PRKACB: variants seen among roughly 807,000 people sequenced by gnomAD.
PRKACB encodes cAMP-dependent protein kinase catalytic subunit beta.
A neutral mutation model predicts 51.4 loss-of-function variants in PRKACB; 16 were observed. The ratio of observed to expected loss-of-function variants is 0.31; its 90% CI spans 0.21 to 0.47. The LOEUF (loss-of-function observed/expected upper bound fraction) is 0.47, where lower values mean the gene tolerates loss of function less well. PRKACB is among the 20% of genes least tolerant of loss of function. PRKACB has a pLI of 1.00. For synonymous variants in PRKACB, 147 were observed against 154.4 expected, an observed-to-expected ratio of 0.95 and a Z score of 0.35; for missense variants, 309 against 464.5, an observed-to-expected ratio of 0.67 and a Z score of 3.08.
intron 6 of PRKACB, among the ~76,000 whole-genome samples, chr1:84,197,163 G>C (rs955799463): frequency 6.6e-6 from 1 of 152,142 alleles, no homozygotes; most frequent in Non-Finnish European, 1.5e-5. Context: ...GTCAGAATTT[G>C]AACCTAGGCA....
chr1:84,132,260 T>C (rs976426525), intron 1 of PRKACB, among the ~76,000 whole-genome samples: 1 of 143,366 alleles, frequency 7.0e-6, no homozygotes, highest in African/African-American at 2.5e-5. Flanking sequence ...GCATTTCAGC[T>C]GGAAGAGTTG....
intron 1 of PRKACB, among the ~76,000 whole-genome samples, chr1:84,131,936 A>C (rs1315367087): frequency 6.6e-6 from 1 of 152,180 alleles, no homozygotes; most frequent in Non-Finnish European, 1.5e-5. Flanking sequence ...TAGTTCTTGC[A>C]GAGAGAGGGA....
intron 1 of PRKACB, among the ~76,000 whole-genome samples, chr1:84,115,428 C>T (rs1436518229): frequency 6.6e-6 from 1 of 151,836 alleles, no homozygotes; most frequent in Admixed American, 6.6e-5. Flanking sequence ...TATTAGTCCC[C>T]TGTTGCATGA....
chr1:84,159,550 A>G (rs1655929402), intron 1 of PRKACB, among the ~76,000 whole-genome samples: 1 of 152,044 alleles, frequency 6.6e-6, no homozygotes, highest in African/African-American at 2.4e-5. Flanking sequence ...TTCATCTGCA[A>G]ATAAAGACAG....
chr1:84,220,269 G>T (rs1206010992), intron 9 of PRKACB, among the ~76,000 whole-genome samples: 2 of 151,922 alleles, frequency 1.3e-5, no homozygotes, highest in Non-Finnish European at 2.9e-5. Flanking sequence ...ATCATTATTG[G>T]TGTATCGAAA....
intron 1 of PRKACB, among the ~76,000 whole-genome samples, chr1:84,162,248 A>G (rs563681627): frequency 2.6e-5 from 4 of 152,142 alleles, no homozygotes; most frequent in South Asian, 4.1e-4. Context: ...CAATTTGACT[A>G]TGATATGTCT....
intron 1 of PRKACB, among the ~76,000 whole-genome samples, chr1:84,100,017 C>T (rs760772547): frequency 6.6e-6 from 1 of 152,128 alleles, no homozygotes; most frequent in Non-Finnish European, 1.5e-5. Flanking sequence ...TCCATTTTCA[C>T]ACTGCTGTAA....
chr1:84,101,507 T>C (rs1418125481), intron 1 of PRKACB, among the ~76,000 whole-genome samples: 1 of 152,194 alleles, frequency 6.6e-6, no homozygotes, highest in African/African-American at 2.4e-5. Context: ...TGGTTCATTT[T>C]CCCAAGCCAG....
chr1:84,196,427 G>A (rs1038870073), intron 5 of PRKACB, among the ~76,000 whole-genome samples, 189 bp from the exon 6 acceptor site: 2 of 152,062 alleles, frequency 1.3e-5, no homozygotes, highest in African/African-American at 2.4e-5. Context: ...ATTTATCAGA[G>A]CGTTATTTGA....
chr1:84,180,730 A>G (rs1396378793), intron 2 of PRKACB, among the ~76,000 whole-genome samples: 3 of 152,194 alleles, frequency 2.0e-5, no homozygotes, highest in Non-Finnish European at 4.4e-5. Context: ...AGTATGACCT[A>G]TAAGTTAAAA....
intron 1 of PRKACB, among the ~76,000 whole-genome samples, chr1:84,133,118 G>C (rs1049866711): frequency 4.6e-5 from 7 of 151,978 alleles, no homozygotes; most frequent in African/African-American, 1.4e-4. Context: ...AGAAAATCTT[G>C]GAAGAAGCAA....
chr1:84,184,734 A>G (rs1357374034), intron 4 of PRKACB, among the ~76,000 whole-genome samples: 1 of 151,898 alleles, frequency 6.6e-6, no homozygotes, highest in Non-Finnish European at 1.5e-5. Context: ...AAAACCATTA[A>G]TCTTTTATAC....
Position 84,235,267 on chromosome 1 carries a change from A to G in PRKACB, c.1159A>G (p.Ile387Val), listed in dbSNP as rs1483947432. 5.0e-6 allele frequency: 8 copies of G among 1,614,050 alleles called. No individual in the cohort carries two copies. Among genetic ancestry groups the G allele is most frequent in the Non-Finnish European group, 6.8e-6 (8 of 1,180,004 alleles). ...TGAAGAAGAAGATATCCGTGTCTCTATAACAGAAAAATGTGCAAAAGAATT... is the reference window on the plus strand; with the variant it reads ...TGAAGAAGAAGATATCCGTGTCTCTGTAACAGAAAAATGTGCAAAAGAATT... The part of the protein sequence containing the change: ...DYEEEDIRVS[I>V]TEKCAKEFGE... Residue 387 changes from isoleucine (I) to valine (V), a missense_variant, in exon 10 of 10, where the codon ATA becomes GTA. By Grantham distance (29) the Ile-to-Val change is conservative. Around this residue, in one of 3 missense-constraint regions of PRKACB, gnomAD observed 96 missense variants for 129.9 expected, o/e 0.74. Coordinates refer to ENST00000370685, the MANE Select transcript of PRKACB (RefSeq NM_182948.4).
chr1:84,124,697 A>T (rs896905412), intron 1 of PRKACB, among the ~76,000 whole-genome samples: 1 of 152,288 alleles, frequency 6.6e-6, no homozygotes, highest in East Asian at 1.9e-4. Context: ...AGGAGTGACT[A>T]TCCCATGCCC....
chr1:84,105,280 T>C (rs539781638), intron 1 of PRKACB, among the ~76,000 whole-genome samples: 1 of 152,284 alleles, frequency 6.6e-6, no homozygotes, highest in Non-Finnish European at 1.5e-5. Context: ...TTCTGGATGT[T>C]TTTTTCTGGA....
At chr1:84,234,235 G>C (rs1676298421) in intron 9 of PRKACB, among the ~76,000 whole-genome samples, 1 of 152,200 alleles carries the variant, frequency 6.6e-6, no homozygotes, top group Non-Finnish European at 1.5e-5. Context: ...CAGGGGTCAG[G>C]GGTCAGGGAC....
At chr1:84,210,796 T>C (rs1672015367) in intron 8 of PRKACB, among the ~76,000 whole-genome samples, 1 of 152,196 alleles carries the variant, frequency 6.6e-6, no homozygotes, top group Non-Finnish European at 1.5e-5. Context: ...TTTGTTGAAG[T>C]TATTTTCTGT....
At chr1:84,232,313 C>T (rs962816797) in intron 9 of PRKACB, among the ~76,000 whole-genome samples, 1 of 152,056 alleles carries the variant, frequency 6.6e-6, no homozygotes, top group East Asian at 1.9e-4. Flanking sequence ...TGTTCTTTTA[C>T]ATTTGCTGAG....
chr1:84,141,772 G>A (rs964088921), upstream of PRKACB, among the ~76,000 whole-genome samples: 4 of 152,042 alleles, frequency 2.6e-5, no homozygotes, highest in South Asian at 2.1e-4. Flanking sequence ...GAAATGTTAC[G>A]ATTAGTTTGT....
Sources: allele counts gnomAD v4.1 joint callset (sites outside exome capture counted in the v4.1 genomes callset), GRCh38; gene constraint gnomAD v4.1.1; regional missense constraint gnomAD v4.1.1; transcripts MANE v1.5; gene names NCBI Gene and HGNC (gene_info 2026-07-23, HGNC 2026-07-21).